STXBP5L: variants seen among roughly 807,000 people sequenced by gnomAD.
STXBP5L encodes the protein syntaxin binding protein 5L.
Under a neutral mutation model 144.5 loss-of-function variants are expected in STXBP5L, and 65 were observed. That is an observed-to-expected ratio of 0.45 (90% CI 0.37 to 0.55). The LOEUF is 0.55. STXBP5L is among the 20% of genes least tolerant of loss of function. The pLI is 0.00. For synonymous variants in STXBP5L, 505 were observed against 469.6 expected, an observed-to-expected ratio of 1.08 and a Z score of -0.97; for missense variants, 1,298 against 1,405.5, an observed-to-expected ratio of 0.92 and a Z score of 1.22.
At chr3:121,358,232 ATT>A (rs2045592091) in intron 20 of STXBP5L, among the ~76,000 whole-genome samples, 1 of 151,858 alleles carries the variant, frequency 6.6e-6, no homozygotes, top group Non-Finnish European at 1.5e-5. Flanking sequence ...TTTTCTACCC[ATT>A]AACCATCCGC....
rs148573831 is a variant in STXBP5L at position 121,397,500 on chromosome 3, T to C, written c.2588-9743T>C. On this transcript the variant is annotated intron_variant, in intron 22 of 26. Coordinates refer to ENST00000471454, the MANE Select transcript of STXBP5L (RefSeq NM_001308330.2). Reference sequence around the variant, plus strand: ...ATTGTTCTATCCAAATTGGCTTATCTGTTAATCATTTTAAAGGTATAGGTT... The same window carrying C: ...ATTGTTCTATCCAAATTGGCTTATCCGTTAATCATTTTAAAGGTATAGGTT... Among the ~76,000 whole-genome samples, 50 of 152,358 alleles carry C rather than the reference T, an allele frequency of 3.3e-4. No homozygotes were observed. In the East Asian group the frequency reaches 8.9e-3, roughly 27 times the overall value.
intron 7 of STXBP5L, among the ~76,000 whole-genome samples, chr3:121,130,221 G>A (rs376785181): frequency 1.3e-5 from 2 of 152,116 alleles, no homozygotes; most frequent in South Asian, 4.2e-4. Flanking sequence ...CTATTGGAAA[G>A]CCCTCTAGAG....
chr3:120,986,006 A>G (rs594724), intron 3 of STXBP5L, among the ~76,000 whole-genome samples: 99,797 of 151,292 alleles, frequency 0.66, 33,368 homozygotes, highest in Admixed American at 0.72. Flanking sequence ...TTATAAAGTT[A>G]TTTGTTTGAG....
At chr3:121,403,628 C>T (rs894485530) in intron 22 of STXBP5L, among the ~76,000 whole-genome samples, 1 of 152,070 alleles carries the variant, frequency 6.6e-6, no homozygotes, top group Admixed American at 6.6e-5. Flanking sequence ...ATAAAACTTA[C>T]TTTCTATGGT....
intron 3 of STXBP5L, among the ~76,000 whole-genome samples, 156 bp from the exon 4 acceptor site, chr3:121,041,544 T>C (rs549958144): frequency 6.6e-6 from 1 of 152,256 alleles, no homozygotes; most frequent in East Asian, 1.9e-4. Flanking sequence ...AGGTATACAA[T>C]TTAATTTACA....
chr3:121,094,366 G>C (rs1352657313), intron 5 of STXBP5L, among the ~76,000 whole-genome samples: 7 of 152,116 alleles, frequency 4.6e-5, no homozygotes, highest in Non-Finnish European at 1.0e-4. Context: ...AATGTTGACA[G>C]TGGGGTGTTA....
chr3:121,108,952 G>A (rs908291899), intron 5 of STXBP5L, among the ~76,000 whole-genome samples: 1 of 152,086 alleles, frequency 6.6e-6, no homozygotes, highest in Non-Finnish European at 1.5e-5. Context: ...GAGGCTGTAT[G>A]TGTTCAGGAA....
intron 2 of STXBP5L, among the ~76,000 whole-genome samples, chr3:120,917,180 A>C (rs973414208): frequency 1.3e-5 from 2 of 152,350 alleles, no homozygotes; most frequent in Admixed American, 6.5e-5. Context: ...TAGTAAAAAC[A>C]AAACAAACTT....
intron 9 of STXBP5L, among the ~76,000 whole-genome samples, chr3:121,165,146 T>C (rs552449463): frequency 6.6e-6 from 1 of 152,326 alleles, no homozygotes; most frequent in East Asian, 1.9e-4. Context: ...ACCTTAAATA[T>C]ATACGATAAA....
At chr3:121,031,390 TTCTG>T (rs1946359362) in intron 3 of STXBP5L, among the ~76,000 whole-genome samples, 1 of 112,226 alleles carries the variant, frequency 8.9e-6, no homozygotes, top group Admixed American at 1.0e-4. Context: ...ATATTTCTAT[TTCTG>T]TCTATTCATC....
At chr3:121,015,478 C>G (rs1576667067) in intron 3 of STXBP5L, among the ~76,000 whole-genome samples, 1 of 152,110 alleles carries the variant, frequency 6.6e-6, no homozygotes, top group South Asian at 2.1e-4. Context: ...CCACTAAAGC[C>G]ATAAACTTAC....
At chr3:121,205,470 C>T (rs1028512457) in intron 9 of STXBP5L, among the ~76,000 whole-genome samples, 3 of 152,182 alleles carry the variant, frequency 2.0e-5, no homozygotes, top group East Asian at 3.8e-4. Flanking sequence ...TCTTAAAAGT[C>T]TCATTCTCAA....
At chr3:121,408,509 G>A (rs1218138753) in intron 23 of STXBP5L, among the ~76,000 whole-genome samples, 1 of 151,908 alleles carries the variant, frequency 6.6e-6, no homozygotes, top group Non-Finnish European at 1.5e-5. Context: ...GAGGAAATAT[G>A]GGATTGAATT....
intron 20 of STXBP5L, among the ~76,000 whole-genome samples, chr3:121,352,858 C>G (rs1049431705): frequency 6.6e-6 from 1 of 152,062 alleles, no homozygotes; most frequent in Non-Finnish European, 1.5e-5. Context: ...TGCGTTCCAT[C>G]AATATCTAGT....
intron 14 of STXBP5L, among the ~76,000 whole-genome samples, chr3:121,242,189 C>T (rs1358809718): frequency 6.6e-6 from 1 of 152,074 alleles, no homozygotes; most frequent in Non-Finnish European, 1.5e-5. Context: ...AACCTTGGTT[C>T]ATCAAGAAGG....
At chr3:120,947,460 T>A (rs1278328272) in intron 2 of STXBP5L, among the ~76,000 whole-genome samples, 1 of 151,808 alleles carries the variant, frequency 6.6e-6, no homozygotes, top group Non-Finnish European at 1.5e-5. Context: ...TTACTTCAAA[T>A]TGAAATATAA....
intron 10 of STXBP5L, among the ~76,000 whole-genome samples, chr3:121,209,341 C>T (rs776971467): frequency 1.3e-5 from 2 of 152,136 alleles, no homozygotes; most frequent in Admixed American, 6.6e-5. Context: ...CTTGAGGAAT[C>T]GCCACAATGT....
At chr3:121,082,732 AT>A (rs2042310716) in intron 5 of STXBP5L, among the ~76,000 whole-genome samples, 1 of 152,096 alleles carries the variant, frequency 6.6e-6, no homozygotes, top group Non-Finnish European at 1.5e-5. Context: ...TGGGTTTTGA[AT>A]TTTGTCAAAT....
At chr3:121,103,313 G>T (rs2043525026) in intron 5 of STXBP5L, among the ~76,000 whole-genome samples, 1 of 152,150 alleles carries the variant, frequency 6.6e-6, no homozygotes, top group African/African-American at 2.4e-5. Flanking sequence ...CAGTGGATTG[G>T]AGGAAGAAAA....
Sources: gnomAD v4.1 joint callset for allele counts (sites outside exome capture counted in the v4.1 genomes callset) on GRCh38, gnomAD v4.1.1 for gene constraint, MANE v1.5 for transcripts, NCBI Gene and HGNC (gene_info 2026-07-23, HGNC 2026-07-21) for gene names.